Variants in KCTD2 observed in about 807,000 individuals in gnomAD.
KCTD2 encodes the protein BTB/POZ domain-containing protein KCTD2.
In KCTD2, 18 loss-of-function variants were observed where a neutral mutation model predicts 27.9. The observed-to-expected ratio is 0.64, with a 90% CI of 0.45 to 0.96. KCTD2 has a LOEUF of 0.96. KCTD2 is among the 40% of genes least tolerant of loss of function. The probability of loss-of-function intolerance (pLI) is 0.00; values close to 1 mark genes in which losing one functional copy is unlikely to be tolerated. For synonymous variants in KCTD2, 175 were observed against 148.4 expected, an observed-to-expected ratio of 1.18 and a Z score of -1.30; for missense variants, 280 against 348.0, an observed-to-expected ratio of 0.80 and a Z score of 1.56.
chr17:75,047,871 A>G (rs557409734), intron 1 of KCTD2, among the ~76,000 whole-genome samples: 1 of 150,734 alleles, frequency 6.6e-6, no homozygotes, highest in African/African-American at 2.4e-5. Flanking sequence ...CGCACTCCAC[A>G]CCCCTTCTCC....
intron 4 of KCTD2, among the ~76,000 whole-genome samples, chr17:75,061,051 A>G (rs1269358525): frequency 1.3e-5 from 2 of 152,214 alleles, no homozygotes; most frequent in African/African-American, 4.8e-5. Context: ...GCTCTTAAGC[A>G]AAGGATTTTT....
upstream of KCTD2, among the ~76,000 whole-genome samples, chr17:75,042,938 C>T (rs143068192): frequency 1.3e-5 from 2 of 151,960 alleles, no homozygotes; most frequent in East Asian, 1.9e-4. Context: ...TCAAGGTGTG[C>T]GGCCAGGCGC....
intron 3 of KCTD2, chr17:75,040,495 T>C: frequency 3.1e-6 from 1 of 322,826 alleles, no homozygotes; most frequent in Non-Finnish European, 5.8e-6. Flanking sequence ...TCTTAGCACC[T>C]TGAATTGTAA....
intron 2 of KCTD2, among the ~76,000 whole-genome samples, chr17:75,050,332 A>G (rs7211204): frequency 0.35 from 52,929 of 151,656 alleles, 14,207 homozygotes; most frequent in African/African-American, 0.74. Flanking sequence ...CACAATCTTG[A>G]CTCACTGCAA....
Position 75,063,325 on chromosome 17 carries a change from G to A in KCTD2, c.*278G>A, listed in dbSNP as rs55732969. The A allele has an allele frequency of 0.018, 8,382 of 468,954 alleles. 111 individuals carry two copies. Among genetic ancestry groups the A allele is most frequent in the Non-Finnish European group, 0.025 (6,451 of 257,754 alleles). The allele number at this position is 468,954 out of a possible 1,614,324, so 29.0% of individuals were successfully genotyped here. A position where few individuals can be genotyped will look rare whatever the true frequency, so the allele number is the denominator to read the frequency against. On this transcript the variant is annotated 3_prime_UTR_variant, in exon 6 of 6. Coordinates refer to ENST00000322444, the MANE Select transcript of KCTD2 (RefSeq NM_015353.3). ...GATCTTTACAACAGCAGCTGGGCTG[G>A]GTTCCCAGTCGGAGCCTTTCGGGGA...
At chr17:75,038,058 TAATAA>T (rs770167290) in intron 3 of KCTD2, among the ~76,000 whole-genome samples, 62 of 152,010 alleles carry the variant, frequency 4.1e-4, no homozygotes, top group African/African-American at 1.3e-3. Flanking sequence ...TAAAAAATAA[TAATAA>T]AATAAAATAA....
At chr17:75,059,275 G>A in intron 3 of KCTD2, 1 of 345,728 alleles carries the variant, frequency 2.9e-6, no homozygotes, top group Admixed American at 4.6e-5. Context: ...TGTTTTTATT[G>A]AAAAGCCACA....
Position 75,063,896 on chromosome 17 carries a change from G to C in KCTD2, c.*849G>C, listed in dbSNP as rs2073430052. The C allele has an allele frequency of 6.5e-6, 1 of 152,696 alleles. No homozygotes were observed. Among genetic ancestry groups the C allele is most frequent in the Non-Finnish European group, 1.5e-5 (1 of 68,100 alleles). 9.5% of individuals were successfully genotyped at this position (152,696 alleles called of 1,614,324 possible). On this transcript the variant is annotated 3_prime_UTR_variant, in exon 6 of 6. Coordinates refer to ENST00000322444, the MANE Select transcript of KCTD2 (RefSeq NM_015353.3). ...CTTCCTTCCCTGGCTTTTTCAACTGGACCAAAGATGAAGGCACTTATGGAC... is the reference window on the plus strand; with the variant it reads ...CTTCCTTCCCTGGCTTTTTCAACTGCACCAAAGATGAAGGCACTTATGGAC...
upstream of KCTD2, among the ~76,000 whole-genome samples, chr17:75,044,709 T>G (rs1015730683): frequency 2.0e-5 from 3 of 151,332 alleles, no homozygotes; most frequent in African/African-American, 7.3e-5. Flanking sequence ...TACAGCCACT[T>G]AAAAAAAAAG....
At chr17:75,050,766 AAC>A (rs1439638306) in intron 2 of KCTD2, among the ~76,000 whole-genome samples, 1 of 152,214 alleles carries the variant, frequency 6.6e-6, no homozygotes, top group Admixed American at 6.5e-5. Flanking sequence ...GAGCAAGAAT[AAC>A]ACAGAGAACT....
intron 3 of KCTD2, among the ~76,000 whole-genome samples, chr17:75,058,190 G>C (rs915403698): frequency 1.3e-5 from 2 of 152,096 alleles, no homozygotes; most frequent in East Asian, 1.9e-4. Flanking sequence ...CAAGCGTGGT[G>C]GTGGGCGGCT....
rs78046671 is a variant in KCTD2, at chr17:75,036,084, C to T, written c.-259+727C>T. ...TTTCTTCTTCCCTGAGACGGAGTCT[C>T]GCTCTGTCACCCAGGGTGGAGTGCA... On this transcript the variant is annotated intron_variant, in intron 3 of 7. Transcript: ENST00000581589. The T allele has an allele frequency of 5.3e-3, 2,410 of 453,586 alleles. 52 individuals carry two copies. The highest frequency in any genetic ancestry group is 0.044 in the African/African-American group (2,184 of 50,044). The allele number at this position is 453,586 out of a possible 1,614,324, so 28.1% of individuals were successfully genotyped here. A position where few individuals can be genotyped will look rare whatever the true frequency, so the allele number is the denominator to read the frequency against.
intron 2 of KCTD2, chr17:75,035,159 T>C (rs1332326868): frequency 3.3e-5 from 5 of 152,080 alleles, no homozygotes; most frequent in African/African-American, 1.2e-4. Flanking sequence ...GATCAGAAGA[T>C]TGAGGGTTCG....
chr17:75,059,727 A>T, intron 4 of KCTD2, 122 bp downstream of exon 4: 1 of 698,214 alleles, frequency 1.4e-6, no homozygotes, highest in Non-Finnish European at 2.4e-6. Flanking sequence ...GTGGGATCCT[A>T]TTCCAAAACA....
intron 4 of KCTD2, chr17:75,060,648 G>T: frequency 1.3e-6 from 2 of 1,543,110 alleles, no homozygotes; most frequent in South Asian, 1.2e-5. Flanking sequence ...GAGTGGGCCC[G>T]GCCAGGGAGG....
chr17:75,039,535 C>G (rs774360491), intron 3 of KCTD2: 131 of 461,046 alleles, frequency 2.8e-4, no homozygotes, highest in Non-Finnish European at 4.6e-4. Flanking sequence ...TACAGAATGC[C>G]TGTTTTCACA....
At chr17:75,036,755 G>C (rs1461719689) in intron 3 of KCTD2, among the ~76,000 whole-genome samples, 1 of 152,236 alleles carries the variant, frequency 6.6e-6, no homozygotes, top group Non-Finnish European at 1.5e-5. Context: ...GATCCTCAGC[G>C]GGATGGCTGA....
chr17:75,043,112 T>A (rs1005273689), upstream of KCTD2, among the ~76,000 whole-genome samples: 1 of 149,484 alleles, frequency 6.7e-6, no homozygotes, highest in Admixed American at 6.7e-5. Context: ...TCCCAGCTAC[T>A]CCAGAGGCTG....
chr17:75,059,361 A>C (rs968482520), intron 3 of KCTD2, 149 bp from the exon 4 acceptor site: 70 of 475,344 alleles, frequency 1.5e-4, no homozygotes, highest in Non-Finnish European at 3.0e-5. Context: ...CCACAGTACT[A>C]TTTGTAAAAG....
Sources: gnomAD v4.1 joint callset for allele counts (sites outside exome capture counted in the v4.1 genomes callset) on GRCh38, gnomAD v4.1.1 for gene constraint, MANE v1.5 for transcripts, NCBI Gene and HGNC (gene_info 2026-07-23, HGNC 2026-07-21) for gene names.